CAPN1: variants seen among roughly 807,000 people sequenced by gnomAD.
CAPN1 encodes calpain-1 catalytic subunit.
Under a neutral mutation model 105.2 loss-of-function variants are expected in CAPN1, and 77 were observed. The observed-to-expected ratio is 0.73, with a 90% confidence interval of 0.61 to 0.88. The LOEUF is 0.88. Among genes scored for constraint, CAPN1 ranks in the 40% least tolerant of loss-of-function variants. CAPN1 has a pLI of 0.00. For missense variants in CAPN1, 833 were observed against 976.6 expected (o/e 0.85, Z 1.96); for synonymous variants, 355 against 388.8 (o/e 0.91, Z 1.02).
At chr11:65,181,603 G>C, upstream of CAPN1, 1 of 414,596 alleles carries the variant, frequency 2.4e-6, no homozygotes, top group Non-Finnish European at 4.8e-6. The surrounding 1 kb of genome is among the most constrained non-coding windows in gnomAD (Gnocchi z 4.6). Context: ...TGCTGCCCCT[G>C]GTTAAAAATA....
In CAPN1 at chr11:65,208,352, C is replaced by T. The variant is rs17884565; in HGVS notation, c.1729+90C>T. The stretch of plus-strand genomic sequence containing the variant: ...CTCACACATTGAGCTGAACCTCATC[C>T]CTTGGTCTGCATGAGTCGGGGAATC... On this transcript the variant is annotated intron_variant, in intron 16 of 21. Transcript: ENST00000279247. The surrounding 1 kb of genome is among the most constrained non-coding windows in gnomAD (Gnocchi z 4.1). 82 of 1,256,816 alleles carry T rather than the reference C, an allele frequency of 6.5e-5. No homozygotes were observed. In the African/African-American group the frequency reaches 1.1e-3, roughly 17 times the overall value. The allele number at this position is 1,256,816 out of a possible 1,614,324, so 77.9% of individuals were successfully genotyped here.
In CAPN1 at chr11:65,211,358, A is replaced by G; in HGVS notation, c.*72A>G. On this transcript the variant is annotated 3_prime_UTR_variant, in exon 22 of 22. Coordinates refer to ENST00000279247, the MANE Select transcript of CAPN1 (RefSeq NM_005186.4). ...GCCAAGCCTCGCCTCCTACCACACC[A>G]CACCAGGCCACCCCAGCTGCAAGTG... 8.2e-6 allele frequency: 12 copies of G among 1,460,206 alleles called. No homozygotes were observed. Among genetic ancestry groups the G allele is most frequent in the Non-Finnish European group, 1.1e-5 (12 of 1,053,582 alleles). The allele number at this position is 1,460,206 out of a possible 1,614,324, so 90.5% of individuals were successfully genotyped here.
intron 10 of CAPN1, chr11:65,203,621 A>C (rs912275983): frequency 1.3e-5 from 2 of 152,178 alleles, no homozygotes; most frequent in African/African-American, 4.8e-5. Flanking sequence ...TGGGCCTCCC[A>C]AAGCGCTGGG....
rs974694277 is a variant in CAPN1 at position 65,209,569 on chromosome 11, G to A, written c.1794+182G>A. 3.0e-6 allele frequency: 2 copies of A among 661,978 alleles called. No individual in the cohort carries two copies. Among genetic ancestry groups the A allele is most frequent in the Non-Finnish European group, 2.7e-6 (1 of 368,070 alleles). 41.0% of individuals were successfully genotyped at this position (661,978 alleles called of 1,614,324 possible). A position where few individuals can be genotyped will look rare whatever the true frequency, so the allele number is the denominator to read the frequency against. Reference sequence around the variant, plus strand: ...TGTTGGTTGGGAGGGAGAAACTGAGGCACAGACCTGTGTCAAGTGAAAGGT... The same window carrying A: ...TGTTGGTTGGGAGGGAGAAACTGAGACACAGACCTGTGTCAAGTGAAAGGT... On this transcript the variant is annotated intron_variant, in intron 17 of 21. Transcript: ENST00000279247. This position sits in a 1 kb window ranked among gnomAD's most constrained non-coding sequence, Gnocchi z 4.1.
chr11:65,207,741 C>T (rs1326529942), intron 14 of CAPN1, among the ~76,000 whole-genome samples: 7 of 151,780 alleles, frequency 4.6e-5, no homozygotes, highest in Admixed American at 2.0e-4. Flanking sequence ...GGCAAAACCC[C>T]GTCTCTACTA....
chr11:65,211,029 G>A, intron 21 of CAPN1, 157 bp downstream of exon 21: 1 of 777,046 alleles, frequency 1.3e-6, no homozygotes, highest in Admixed American at 2.3e-5. Flanking sequence ...TGGGGTGGGG[G>A]TGTCTGGATT....
rs752433821 is a variant in CAPN1 at position 65,210,487 on chromosome 11, C to G, written c.2059+35C>G. The G allele has an allele frequency of 2.3e-6, 3 of 1,285,214 alleles. No individual in the cohort carries two copies. Among genetic ancestry groups the G allele is most frequent in the Non-Finnish European group, 2.2e-6 (2 of 889,674 alleles). 79.6% of individuals were successfully genotyped at this position (1,285,214 alleles called of 1,614,324 possible). ...CCCAACTGCCTCCCACCCTCCAGCT[C>G]CGTCCCAAACGCGTCCCCCAGGAGC... On this transcript the variant is annotated intron_variant, in intron 20 of 21. Transcript: ENST00000279247. The surrounding 1 kb of genome is among the most constrained non-coding windows in gnomAD (Gnocchi z 4.3).
At chr11:65,206,008 T>TG in intron 12 of CAPN1, 3 of 542,808 alleles carry the variant, frequency 5.5e-6, no homozygotes, top group Non-Finnish European at 9.9e-6. Context: ...ACCAAGTAAG[T>TG]GCCAACTAGG....
At chr11:65,197,744 G>A (rs1254429187) in intron 10 of CAPN1, among the ~76,000 whole-genome samples, 1 of 151,966 alleles carries the variant, frequency 6.6e-6, no homozygotes, top group African/African-American at 2.4e-5. Context: ...AAAATTAGCC[G>A]GGCAAGGTGG....
chr11:65,184,517 G>T (rs1948604230), intron 4 of CAPN1, among the ~76,000 whole-genome samples: 1 of 150,892 alleles, frequency 6.6e-6, no homozygotes, highest in Non-Finnish European at 1.5e-5. Context: ...CCCTCAGATG[G>T]TACCTCGAGT....
In CAPN1 at chr11:65,208,167, C is replaced by T. The variant is rs759481389; in HGVS notation, c.1672-38C>T. 6 of 1,592,614 alleles carry T rather than the reference C, an allele frequency of 3.8e-6. No individual in the cohort carries two copies. In the South Asian group the frequency reaches 5.7e-5, roughly 15 times the overall value. ...TGGGAGGGGCCTGTGAGGGGCAGCC[C>T]TCTCCTGGGGCAGGTGCCACCTCCT... On this transcript the variant is annotated intron_variant, in intron 15 of 21. Coordinates refer to ENST00000279247, the MANE Select transcript of CAPN1 (RefSeq NM_005186.4). The surrounding 1 kb of genome is among the most constrained non-coding windows in gnomAD (Gnocchi z 4.1).
In CAPN1 at chr11:65,205,738, G is replaced by T; in HGVS notation, c.1353+17G>T. The T allele has an allele frequency of 6.2e-7, 1 of 1,612,906 alleles. No individual in the cohort carries two copies. Among genetic ancestry groups the T allele is most frequent in the Non-Finnish European group, 8.5e-7 (1 of 1,179,028 alleles). On this transcript the variant is annotated intron_variant, in intron 12 of 21. Transcript: ENST00000279247. ...CCTCCGGAGGTAGGTGTGGCACCAT[G>T]ACCCACCTGCAGTCACACACCCCTG...
Position 65,183,215 on chromosome 11 carries a change from C to G in CAPN1, c.337+18C>G. On this transcript the variant is annotated intron_variant, in intron 3 of 21. Coordinates refer to ENST00000279247, the MANE Select transcript of CAPN1 (RefSeq NM_005186.4). ...AGCACTGGGTAGGCCCCCAGGGCGT[C>G]GGGTCCCGGGTATTTTTTCCACAGT... 6.2e-7 allele frequency: 1 copy of G among 1,611,726 alleles called. No homozygotes were observed.
chr11:65,208,283 C>T lies in CAPN1; in HGVS notation c.1729+21C>T, dbSNP rs1260346600. On this transcript the variant is annotated intron_variant, in intron 16 of 21. Coordinates refer to ENST00000279247, the MANE Select transcript of CAPN1 (RefSeq NM_005186.4). The surrounding 1 kb of genome is among the most constrained non-coding windows in gnomAD (Gnocchi z 4.1). ...CAAACGTGAGTCCCCGCGGGGCTGT[C>T]CCACCACCCCACCATTTCTTCCACA... The T allele has an allele frequency of 6.5e-7, 1 of 1,547,050 alleles. No individual in the cohort carries two copies. Among genetic ancestry groups the T allele is most frequent in the Non-Finnish European group, 8.8e-7 (1 of 1,142,334 alleles).
intron 10 of CAPN1, among the ~76,000 whole-genome samples, chr11:65,204,012 C>A (rs945414137): frequency 1.3e-5 from 2 of 152,178 alleles, no homozygotes; most frequent in African/African-American, 4.8e-5. Flanking sequence ...GCAGCAAAAT[C>A]ACCCAACTGC....
chr11:65,208,209 T>C lies in CAPN1; in HGVS notation c.1676T>C (p.Met559Thr), dbSNP rs1948991901. 5 of 1,583,090 alleles carry C rather than the reference T, an allele frequency of 3.2e-6. No homozygotes were observed. The highest frequency in any genetic ancestry group is 4.3e-6 in the Non-Finnish European group (5 of 1,164,440). ...CCACCTCCTCTCTCTCCCCAGGACA[T>C]GGAGATCAGCGTGAAGGAGTTGCGG... is the stretch of plus-strand genomic sequence containing the variant. ...ALFRQLAGEDMEISVKELRTI... is the reference protein window; with the variant it reads ...ALFRQLAGEDTEISVKELRTI... Residue 559 changes from methionine (M) to threonine (T), a missense_variant, in exon 16 of 22, where the codon ATG (methionine) becomes ACG (threonine). By Grantham distance (81) the Met-to-Thr change is moderately conservative. Coordinates refer to ENST00000279247, the MANE Select transcript of CAPN1 (RefSeq NM_005186.4). The surrounding 1 kb of genome is among the most constrained non-coding windows in gnomAD (Gnocchi z 4.1).
intron 4 of CAPN1, among the ~76,000 whole-genome samples, chr11:65,183,884 G>A (rs571387004): frequency 7.2e-5 from 11 of 152,220 alleles, no homozygotes; most frequent in Admixed American, 7.2e-4. Context: ...CCCGGAGGTC[G>A]GTCTCAGTTG....
rs1948987331 is a variant in CAPN1 at position 65,208,011 on chromosome 11, G to A, written c.1606-44G>A. The A allele has an allele frequency of 1.3e-6, 2 of 1,513,220 alleles. No individual in the cohort carries two copies. Among genetic ancestry groups the A allele is most frequent in the Non-Finnish European group, 1.8e-6 (2 of 1,112,738 alleles). 93.7% of individuals were successfully genotyped at this position (1,513,220 alleles called of 1,614,324 possible). ...CCCTCCAGCTGCCTCCACACGGGCA[G>A]GGCCGGGGCCTCTCTTACCTGCTTT... On this transcript the variant is annotated intron_variant, in intron 14 of 21. Coordinates refer to ENST00000279247, the MANE Select transcript of CAPN1 (RefSeq NM_005186.4). The surrounding 1 kb of genome is among the most constrained non-coding windows in gnomAD (Gnocchi z 4.1).
chr11:65,187,240 C>A lies in CAPN1; in HGVS notation c.785C>A (p.Ala262Asp), dbSNP rs192099450. 587 of 1,613,254 alleles carry A rather than the reference C, an allele frequency of 3.6e-4. No homozygotes were observed. The highest frequency in any genetic ancestry group is 5.0e-4 in the Middle Eastern group (3 of 6,060). The change falls in exon 7 of 22, where the codon GCC becomes GAC. Residue 262 changes from alanine to aspartate, a missense_variant. Coordinates refer to ENST00000279247, the MANE Select transcript of CAPN1 (RefSeq NM_005186.4). ...IDISSVLDME[A>D]ITFKKLVKGH... The stretch of plus-strand genomic sequence containing the variant: ...ATCTCCAGCGTTCTAGACATGGAGG[C>A]CATCACTTTCAAGAAGTTGGTGAAG...
Sources: gnomAD v4.1 joint callset for allele counts (sites outside exome capture counted in the v4.1 genomes callset) on GRCh38, gnomAD v4.1.1 for gene constraint, Gnocchi (gnomAD v3.1) non-coding constraint, MANE v1.5 for transcripts, NCBI Gene and HGNC (gene_info 2026-07-23, HGNC 2026-07-21) for gene names.